Variants in TRANK1 observed in about 807,000 individuals in gnomAD.
TRANK1 encodes the protein tetratricopeptide repeat and ankyrin repeat containing 1.
Under a neutral mutation model 266.0 loss-of-function variants are expected in TRANK1, and 198 were observed. The ratio of observed to expected loss-of-function variants is 0.74; its 90% CI spans 0.66 to 0.84. TRANK1 has a LOEUF of 0.84. Ranked by LOEUF, TRANK1 falls within the 40% of genes least tolerant of loss-of-function variation. TRANK1 has a pLI of 0.00. For missense variants in TRANK1, 3,326 were observed against 3,634.6 expected, an observed-to-expected ratio of 0.92 and a Z score of 2.18; for synonymous variants, 1,396 against 1,384.1, an observed-to-expected ratio of 1.01 and a Z score of -0.19.
intron 4 of TRANK1, 44 bp from the exon 5 acceptor site, chr3:36,895,802 G>T: frequency 1.5e-6 from 2 of 1,337,180 alleles, no homozygotes; most frequent in African/African-American, 1.5e-5. Context: ...TGTGGGGAAA[G>T]TCTACAGCAT....
intron 1 of TRANK1, among the ~76,000 whole-genome samples, chr3:36,919,296 T>C (rs191465962): frequency 8.5e-4 from 130 of 152,346 alleles, no homozygotes; most frequent in African/African-American, 2.9e-3. Context: ...GGTTCCCTCT[T>C]GTCCATTCCT....
At position 36,832,608 on chromosome 3, in the gene TRANK1, T is replaced by C. The variant is rs1285212932; in HGVS notation, c.6975A>G (p.Glu2325=). Residue 2325 remains glutamate (E), a synonymous_variant, in exon 22 of 24, where the codon GAA becomes GAG. Coordinates refer to ENST00000645898, the MANE Select transcript of TRANK1 (RefSeq NM_001329998.2). ...FENESARNRR[E]STDLWLSAMQ... ...TGGCACTCAGCCACAGGTCTGTGGATTCCCGGCGGTTGCGTGCGCTTTCAT... is the reference window on the plus strand; with the variant it reads ...TGGCACTCAGCCACAGGTCTGTGGACTCCCGGCGGTTGCGTGCGCTTTCAT... The C allele has an allele frequency of 6.2e-7, 1 of 1,613,876 alleles. No homozygotes were observed. The highest frequency in any genetic ancestry group is 8.5e-7 in the Non-Finnish European group (1 of 1,179,900).
intron 1 of TRANK1, chr3:36,929,473 G>C (rs1372317798): frequency 6.6e-6 from 1 of 152,106 alleles, no homozygotes; most frequent in Non-Finnish European, 1.5e-5. Context: ...CACATCAATG[G>C]AACAAAGTAG....
chr3:36,899,277 G>A lies in TRANK1; in HGVS notation c.283-18C>T. On this transcript the variant is annotated intron_variant, in intron 3 of 23. Coordinates refer to ENST00000645898, the MANE Select transcript of TRANK1 (RefSeq NM_001329998.2). The stretch of plus-strand genomic sequence containing the variant: ...TAGTATCCCTGGAACAGGATAAAAA[G>A]CAAAACTGTCATGTACCACATCTCC... 6.5e-7 allele frequency: 1 copy of A among 1,535,490 alleles called. No homozygotes were observed. The highest frequency in any genetic ancestry group is 8.7e-7 in the Non-Finnish European group (1 of 1,146,258).
chr3:36,834,825 T>G lies in TRANK1; in HGVS notation c.5600A>C (p.Asp1867Ala), dbSNP rs2078746188. The change falls in exon 21 of 24, where the codon GAT (aspartate) becomes GCT (alanine). Residue 1867 changes from aspartate to alanine, a missense_variant. Coordinates refer to ENST00000645898, the MANE Select transcript of TRANK1 (RefSeq NM_001329998.2). ...TTGGCAGTACATTTTGAGTGCTAGA[T>G]CAAATTCCTGAATCTGCTCAAAGCA... The part of the protein sequence containing the change: ...FRCFEQIQEF[D>A]LALKMYCQEE... 1 of 1,613,792 alleles carries G rather than the reference T, an allele frequency of 6.2e-7. No homozygotes were observed. The highest frequency in any genetic ancestry group is 8.5e-7 in the Non-Finnish European group (1 of 1,179,844).
At chr3:36,852,046 A>G (rs1032446202) in intron 14 of TRANK1, 100 bp downstream of exon 14, 7 of 1,385,518 alleles carry the variant, frequency 5.1e-6, no homozygotes, top group Non-Finnish European at 4.8e-6. Context: ...TGGGACAGGG[A>G]CTATTTTTAA....
intron 1 of TRANK1, among the ~76,000 whole-genome samples, chr3:36,924,641 C>A (rs1042196456): frequency 6.6e-6 from 1 of 152,162 alleles, no homozygotes. Context: ...GACGCAGAGA[C>A]AAAAACCAGG....
intron 14 of TRANK1, 142 bp from the exon 15 acceptor site, chr3:36,851,998 C>T: frequency 7.3e-7 from 1 of 1,373,504 alleles, no homozygotes; most frequent in Non-Finnish European, 9.7e-7. Context: ...AAGATTGAAA[C>T]ACTTGGTCAC....
intron 2 of TRANK1, among the ~76,000 whole-genome samples, chr3:36,903,773 CT>C (rs1355219614): frequency 6.6e-6 from 1 of 152,220 alleles, no homozygotes; most frequent in African/African-American, 2.4e-5. Flanking sequence ...AAGGAGGGCC[CT>C]TTAAAGCGCA....
Position 36,879,799 on chromosome 3 carries a change from T to C in TRANK1, c.908-5503A>G, listed in dbSNP as rs1181961225. ...ATATATAAATATGTAAATATATAAATATACAAATATATGTAAATATACAAA... is the reference window on the plus strand; with the variant it reads ...ATATATAAATATGTAAATATATAAACATACAAATATATGTAAATATACAAA... On this transcript the variant is annotated intron_variant, in intron 8 of 23. Transcript: ENST00000645898. Among the ~76,000 whole-genome samples the C allele has an allele frequency of 1.1e-4, 12 of 112,046 alleles. 4 individuals are homozygous for C. The highest frequency in any genetic ancestry group is 1.0e-4 in the Non-Finnish European group (6 of 58,454). The allele number at this position is 112,046 out of a possible 152,430, so 73.5% of individuals were successfully genotyped here.
intron 4 of TRANK1, among the ~76,000 whole-genome samples, chr3:36,898,776 G>A (rs1443077630): frequency 9.2e-5 from 14 of 151,626 alleles, no homozygotes; most frequent in African/African-American, 2.7e-4. Context: ...ACTTGAACCC[G>A]GGAGGCAGAG....
chr3:36,851,514 A>T, intron 15 of TRANK1: 2 of 1,250,804 alleles, frequency 1.6e-6, no homozygotes, highest in Non-Finnish European at 2.1e-6. Flanking sequence ...GAACTAGCCC[A>T]TGACACACTG....
chr3:36,913,807 G>A (rs573321613), intron 1 of TRANK1, among the ~76,000 whole-genome samples: 50 of 152,046 alleles, frequency 3.3e-4, no homozygotes, highest in African/African-American at 1.2e-3. Context: ...GGAACACCTT[G>A]CCACCACCCC....
At position 36,828,007 on chromosome 3, in the gene TRANK1, C is replaced by T. The variant is rs2078650159; in HGVS notation, c.*268G>A. On this transcript the variant is annotated 3_prime_UTR_variant, in exon 24 of 24. Transcript: ENST00000645898. ...CCATGCAGTGAGGAGTCCCAACATT[C>T]CCTTCGACTACAACTTCTCTACCTG... 2 of 400,980 alleles carry T rather than the reference C, an allele frequency of 5.0e-6. No homozygotes were observed. The highest frequency in any genetic ancestry group is 7.5e-5 in the Admixed American group (2 of 26,690). The allele number at this position is 400,980 out of a possible 1,614,324, so 24.8% of individuals were successfully genotyped here. A position where few individuals can be genotyped will look rare whatever the true frequency, so the allele number is the denominator to read the frequency against.
At position 36,924,733 on chromosome 3, in the gene TRANK1, C is replaced by T. The variant is rs181258250; in HGVS notation, c.24-16279G>A. 2.0e-4 allele frequency among the ~76,000 whole-genome samples: 31 copies of T among 152,140 alleles called. No homozygotes were observed. The East Asian group carries it at 4.4e-3, about 22-fold the overall frequency. On this transcript the variant is annotated intron_variant, in intron 1 of 23. Coordinates refer to ENST00000645898, the MANE Select transcript of TRANK1 (RefSeq NM_001329998.2). ...CTCCTCCAGATAACTGCCACCGGTG[C>T]GAAAGGCCAGGCCACTAAAAGGCAA...
rs1406413147 is a variant in TRANK1 at position 36,858,909 on chromosome 3, A to C, written c.1496-15T>G. On this transcript the variant is annotated splice_polypyrimidine_tract_variant and intron_variant, in intron 11 of 23. Coordinates refer to ENST00000645898, the MANE Select transcript of TRANK1 (RefSeq NM_001329998.2). ...ATCAGGCAAGGCTGGGAGAGGAGAG[A>C]AGGGAAGCGCAATGTGAGCAGGCAC... The C allele has an allele frequency of 6.5e-7, 1 of 1,527,314 alleles. No individual in the cohort carries two copies. Among genetic ancestry groups the C allele is most frequent in the Non-Finnish European group, 8.8e-7 (1 of 1,142,236 alleles). 94.6% of individuals were successfully genotyped at this position (1,527,314 alleles called of 1,614,324 possible).
chr3:36,937,668 T>A (rs1440980750), intron 1 of TRANK1, among the ~76,000 whole-genome samples: 1 of 152,224 alleles, frequency 6.6e-6, no homozygotes, highest in Non-Finnish European at 1.5e-5. Context: ...AATGATTTAG[T>A]TAAGCATCAG....
At position 36,944,993 on chromosome 3, in the gene TRANK1, A is replaced by G. The variant is rs988046664; in HGVS notation, c.-184T>C. On this transcript the variant is annotated 5_prime_UTR_variant, in exon 1 of 24. Coordinates refer to ENST00000645898, the MANE Select transcript of TRANK1 (RefSeq NM_001329998.2). ...GCGGCTCGGCTACCCAGCCGCGATCAGAGGGGGCGGGGGACGCAGGAACCC... is the reference window on the plus strand; with the variant it reads ...GCGGCTCGGCTACCCAGCCGCGATCGGAGGGGGCGGGGGACGCAGGAACCC... 1 of 514,302 alleles carries G rather than the reference A, an allele frequency of 1.9e-6. No homozygotes were observed. Among genetic ancestry groups the G allele is most frequent in the Admixed American group, 4.4e-5 (1 of 22,526 alleles). 31.9% of individuals were successfully genotyped at this position (514,302 alleles called of 1,614,324 possible). A position where few individuals can be genotyped will look rare whatever the true frequency, so the allele number is the denominator to read the frequency against.
rs1575348132 is a variant in TRANK1 at position 36,944,927 on chromosome 3, G to T, written c.-118C>A. 8.9e-7 allele frequency: 1 copy of T among 1,124,450 alleles called. No individual in the cohort carries two copies. The highest frequency in any genetic ancestry group is 1.2e-6 in the Non-Finnish European group (1 of 856,556). The allele number at this position is 1,124,450 out of a possible 1,614,324, so 69.7% of individuals were successfully genotyped here. The stretch of plus-strand genomic sequence containing the variant: ...AGCTACCGGAGCCCGGGGCAGGGGC[G>T]GCGCGATGCAGAGGCGGCGTTCGGG... On this transcript the variant is annotated 5_prime_UTR_variant, in exon 1 of 24. Transcript: ENST00000645898.
Sources: gnomAD v4.1 joint callset for allele counts (sites outside exome capture counted in the v4.1 genomes callset) on GRCh38, gnomAD v4.1.1 for gene constraint, MANE v1.5 for transcripts, NCBI Gene and HGNC (gene_info 2026-07-23, HGNC 2026-07-21) for gene names.